Variants in ACTR3 observed in about 807,000 individuals in gnomAD.
ACTR3 encodes actin-related protein 3.
A neutral mutation model predicts 56.8 loss-of-function variants in ACTR3; 12 were observed. The ratio of observed to expected loss-of-function variants is 0.21; its 90% CI spans 0.14 to 0.34. The LOEUF is 0.34. ACTR3 is among the 10% of genes least tolerant of loss of function. The pLI, the probability that ACTR3 is intolerant of heterozygous loss-of-function variation, is 1.00. For missense variants in ACTR3, 282 were observed against 512.5 expected (o/e 0.55, Z 4.34); for synonymous variants, 162 against 167.4 (o/e 0.97, Z 0.25).
intron 8 of ACTR3, among the ~76,000 whole-genome samples, chr2:113,947,553 C>T (rs1680043067): frequency 1.3e-5 from 2 of 152,156 alleles, no homozygotes; most frequent in Admixed American, 1.3e-4. Flanking sequence ...ACTTGGGAGG[C>T]TGAGGTGAGA....
intron 6 of ACTR3, among the ~76,000 whole-genome samples, chr2:113,939,046 C>G (rs371988665): frequency 2.0e-5 from 3 of 149,796 alleles, no homozygotes; most frequent in Admixed American, 2.0e-4. Context: ...TTTTTTGAGA[C>G]GGAGTTTCGC....
At chr2:113,922,253 A>G (rs571946925) in intron 3 of ACTR3, among the ~76,000 whole-genome samples, 13 of 152,306 alleles carry the variant, frequency 8.5e-5, no homozygotes, top group East Asian at 3.9e-4. Context: ...GAATGCTAAT[A>G]TGAAAGAACT....
At chr2:113,911,419 C>T (rs1376055415) in intron 1 of ACTR3, among the ~76,000 whole-genome samples, 10 of 117,808 alleles carry the variant, frequency 8.5e-5, no homozygotes, top group East Asian at 2.5e-4. Flanking sequence ...ATTTGGCACA[C>T]TTTTTTTTTT....
chr2:113,940,323 G>A lies in ACTR3; in HGVS notation c.684+221G>A, dbSNP rs889449751. Among the ~76,000 whole-genome samples, 4 of 152,090 alleles carry A rather than the reference G, an allele frequency of 2.6e-5. No individual in the cohort carries two copies. In the East Asian group the frequency reaches 5.8e-4, roughly 22 times the overall value. ...TCTTCATATTTTATATTTGAGAGGA[G>A]TAATATAAGAACATTTTACCAAATG... On this transcript the variant is annotated intron_variant, in intron 7 of 11. Transcript: ENST00000263238.
intron 3 of ACTR3, among the ~76,000 whole-genome samples, chr2:113,917,782 G>A (rs914696378): frequency 9.2e-5 from 14 of 152,248 alleles, no homozygotes; most frequent in Admixed American, 3.3e-4. Context: ...CGACTGCAAG[G>A]CTATTATAAT....
chr2:113,889,943 C>A, upstream of ACTR3: 4 of 534,156 alleles, frequency 7.5e-6, no homozygotes, highest in Admixed American at 3.7e-5. Flanking sequence ...CTGGCCGGGG[C>A]GTCGGCACCG....
chr2:113,962,415 A>G lies in ACTR3; in HGVS notation c.*4960A>G, dbSNP rs1211008873. ...CTCTGGCTTTTATTGATCAATTTTG[A>G]TATTGTCCAGATCCCATGTTAAACC... is the stretch of plus-strand genomic sequence containing the variant. On this transcript the variant is annotated 3_prime_UTR_variant, in exon 12 of 12. Coordinates refer to ENST00000263238, the MANE Select transcript of ACTR3 (RefSeq NM_005721.5). 2.6e-5 allele frequency: 4 copies of G among 152,016 alleles called. No individual in the cohort carries two copies. The highest frequency in any genetic ancestry group is 6.6e-5 in the Admixed American group (1 of 15,230). The allele number at this position is 152,016 out of a possible 1,614,324, so 9.4% of individuals were successfully genotyped here.
Position 113,961,598 on chromosome 2 carries a change from C to G in ACTR3, c.*4143C>G, listed in dbSNP as rs536492435. On this transcript the variant is annotated 3_prime_UTR_variant, in exon 12 of 12. Transcript: ENST00000263238. ...CAAGCACCAACATTCACTTATATTA[C>G]CTATATATTGCATCAAGTTTTGAGC... 6.6e-6 allele frequency: 1 copy of G among 151,860 alleles called. No individual in the cohort carries two copies. The highest frequency in any genetic ancestry group is 2.4e-5 in the African/African-American group (1 of 41,378). 9.4% of individuals were successfully genotyped at this position (151,860 alleles called of 1,614,324 possible).
In ACTR3 at chr2:113,960,184, AT is replaced by A. The variant is rs1217920143; in HGVS notation, c.*2730del. 1 of 152,034 alleles carries A rather than the reference AT, an allele frequency of 6.6e-6. No individual in the cohort carries two copies. The highest frequency in any genetic ancestry group is 1.5e-5 in the Non-Finnish European group (1 of 67,918). The allele number at this position is 152,034 out of a possible 1,614,324, so 9.4% of individuals were successfully genotyped here. On this transcript the variant is annotated 3_prime_UTR_variant, in exon 12 of 12. Transcript: ENST00000263238. ...AAATAGTAATGGACAAATAAAATCAATGATCATTATCTAACTTGATGCCTGC... is the reference window on the plus strand; with the variant it reads ...AAATAGTAATGGACAAATAAAATCAAGATCATTATCTAACTTGATGCCTGC...
chr2:113,924,925 G>A (rs894634653), intron 3 of ACTR3, among the ~76,000 whole-genome samples: 5 of 151,902 alleles, frequency 3.3e-5, no homozygotes, highest in African/African-American at 1.2e-4. Flanking sequence ...TTGACAGAGT[G>A]TTACTCTGTT....
chr2:113,929,135 T>G (rs538597575), intron 4 of ACTR3, among the ~76,000 whole-genome samples: 63 of 152,114 alleles, frequency 4.1e-4, no homozygotes, highest in African/African-American at 1.4e-3. Flanking sequence ...TTTTTGTTTT[T>G]TTTTTGTTTT....
chr2:113,934,574 T>TG (rs1033711224), intron 6 of ACTR3, 188 bp downstream of exon 6: 8 of 392,930 alleles, frequency 2.0e-5, no homozygotes, highest in African/African-American at 1.5e-4. Context: ...TTTCTTTTAC[T>TG]GTAGGTTTGT....
intron 1 of ACTR3, among the ~76,000 whole-genome samples, chr2:113,907,392 C>G (rs1329370364): frequency 6.6e-6 from 1 of 152,124 alleles, no homozygotes; most frequent in African/African-American, 2.4e-5. Context: ...GCTAGGACTA[C>G]AGGTGTGAGC....
chr2:113,944,833 A>G (rs1176975064), intron 8 of ACTR3, among the ~76,000 whole-genome samples: 1 of 152,150 alleles, frequency 6.6e-6, no homozygotes, highest in Admixed American at 6.5e-5. Flanking sequence ...GAGGGTGACT[A>G]GTGAGTACAT....
chr2:113,934,224 G>GT (rs1679782021), intron 5 of ACTR3, 55 bp from the exon 6 acceptor site: 18 of 1,160,184 alleles, frequency 1.6e-5, no homozygotes, highest in South Asian at 6.0e-5. Flanking sequence ...TTAACTCTTT[G>GT]TTTTTTTGTT....
intron 8 of ACTR3, among the ~76,000 whole-genome samples, chr2:113,946,068 A>T (rs187240497): frequency 2.0e-5 from 3 of 152,128 alleles, no homozygotes; most frequent in African/African-American, 7.2e-5. Flanking sequence ...GGTTGATTCC[A>T]TGTCTTTATT....
intron 8 of ACTR3, among the ~76,000 whole-genome samples, chr2:113,944,622 C>A (rs148837303): frequency 7.7e-6 from 1 of 130,496 alleles, no homozygotes; most frequent in Non-Finnish European, 1.6e-5. Flanking sequence ...ATTAGCTGGG[C>A]GTGGTGGTGG....
At chr2:113,923,714 G>A (rs1679563073) in intron 3 of ACTR3, among the ~76,000 whole-genome samples, 1 of 150,200 alleles carries the variant, frequency 6.7e-6, no homozygotes, top group South Asian at 2.1e-4. Context: ...GTTTCTCTAG[G>A]CACTGCTTTC....
intron 6 of ACTR3, 101 bp from the exon 7 acceptor site, chr2:113,939,858 A>G: frequency 9.2e-7 from 1 of 1,085,602 alleles, no homozygotes; most frequent in Non-Finnish European, 1.3e-6. Context: ...GACTATAAAT[A>G]CACTAACTTA....
Sources: allele counts gnomAD v4.1 joint callset (sites outside exome capture counted in the v4.1 genomes callset), GRCh38; gene constraint gnomAD v4.1.1; transcripts MANE v1.5; gene names NCBI Gene and HGNC (gene_info 2026-07-23, HGNC 2026-07-21).